COL5A2: variants seen among roughly 807,000 people sequenced by gnomAD.
COL5A2 encodes collagen alpha-2(V) chain.
In COL5A2, 23 loss-of-function variants were observed where a neutral mutation model predicts 208.2. That is an observed-to-expected ratio of 0.11 (90% CI 0.08 to 0.16). The LOEUF (loss-of-function observed/expected upper bound fraction) is 0.16, where lower values mean the gene tolerates loss of function less well. Ranked by LOEUF, COL5A2 falls within the 10% of genes least tolerant of loss-of-function variation. The pLI, the probability that COL5A2 is intolerant of heterozygous loss-of-function variation, is 1.00. For synonymous variants in COL5A2, 625 were observed against 628.5 expected (o/e 0.99, Z 0.08); for missense variants, 1,590 against 1,956.4 (o/e 0.81, Z 3.53).
At position 189,066,559 on chromosome 2, in the gene COL5A2, A is replaced by T. The variant is rs1686154567; in HGVS notation, c.1456-62T>A. On this transcript the variant is annotated intron_variant, in intron 22 of 53. Transcript: ENST00000374866. ...ATCCAACCAGTGAATTATAGTTGGA[A>T]GCCTAATTTAACGAAGTCAGTCACA... 3.6e-5 allele frequency: 55 copies of T among 1,532,806 alleles called. No individual in the cohort carries two copies. The South Asian group carries it at 6.0e-4, about 17-fold the overall frequency. The allele number at this position is 1,532,806 out of a possible 1,614,324, so 95.0% of individuals were successfully genotyped here. A position where few individuals can be genotyped will look rare whatever the true frequency, so the allele number is the denominator to read the frequency against.
chr2:189,085,333 GATAA>G lies in COL5A2; in HGVS notation c.745-124_745-121del, dbSNP rs200655045. The G allele has an allele frequency of 4.8e-4, 455 of 943,578 alleles. No homozygotes were observed. In the African/African-American group the frequency reaches 6.4e-3, roughly 13 times the overall value. The allele number at this position is 943,578 out of a possible 1,614,324, so 58.5% of individuals were successfully genotyped here. ...AACTATTATTGAAACAAATGAAAATGATAAATATTGTTGAGACAGAGAAAATAGT... is the reference window on the plus strand; with the variant it reads ...AACTATTATTGAAACAAATGAAAATGATATTGTTGAGACAGAGAAAATAGT... On this transcript the variant is annotated intron_variant, in intron 10 of 53. Transcript: ENST00000374866.
intron 38 of COL5A2, 55 bp from the exon 39 acceptor site, chr2:189,053,073 T>A: frequency 7.6e-7 from 1 of 1,312,838 alleles, no homozygotes; most frequent in Non-Finnish European, 1.1e-6. Flanking sequence ...GACAAATTAC[T>A]TTAGAGTAAT....
At chr2:189,334,704 G>T in the COL5A2 span, among the ~76,000 whole-genome samples, 10 of 151,990 alleles carry the variant, frequency 6.6e-5, no homozygotes, top group African/African-American at 2.4e-4. Flanking sequence ...ACGTAAGCAG[G>T]TGTCTTGGAC....
chr2:189,204,888 TC>T (rs1689124316), intron 1 of COL5A2, among the ~76,000 whole-genome samples: 1 of 152,168 alleles, frequency 6.6e-6, no homozygotes, highest in African/African-American at 2.4e-5. Flanking sequence ...TGACCCCAGG[TC>T]TTGGGATCTC....
the COL5A2 span, among the ~76,000 whole-genome samples, chr2:189,357,334 A>G: frequency 2.0e-5 from 3 of 152,126 alleles, no homozygotes; most frequent in Admixed American, 1.3e-4. Context: ...CTACACCCAC[A>G]GATGCCCCTT....
At chr2:189,321,730 A>C in the COL5A2 span, among the ~76,000 whole-genome samples, 1 of 152,328 alleles carries the variant, frequency 6.6e-6, no homozygotes, top group Non-Finnish European at 1.5e-5. Flanking sequence ...TAATGACGGC[A>C]GACTTTAACA....
chr2:189,083,177 A>G (rs1284993999), intron 12 of COL5A2, among the ~76,000 whole-genome samples: 1 of 152,190 alleles, frequency 6.6e-6, no homozygotes, highest in Admixed American at 6.5e-5. Flanking sequence ...AAACCCAAGA[A>G]GTAGGAATGT....
chr2:189,107,779 T>C (rs1576531810), intron 2 of COL5A2, among the ~76,000 whole-genome samples: 1 of 151,798 alleles, frequency 6.6e-6, no homozygotes, highest in Non-Finnish European at 1.5e-5. Flanking sequence ...CTATCAATTA[T>C]ATTCCATATT....
intron 1 of COL5A2, among the ~76,000 whole-genome samples, chr2:189,116,950 A>T (rs1326332907): frequency 3.3e-5 from 5 of 152,334 alleles, no homozygotes; most frequent in East Asian, 1.9e-4. Context: ...ATATGAATTT[A>T]AAAAATTTGA....
chr2:189,236,414 G>A, the COL5A2 span, among the ~76,000 whole-genome samples: 2 of 151,740 alleles, frequency 1.3e-5, no homozygotes, highest in African/African-American at 4.8e-5. Context: ...AATATGGTAT[G>A]AATATGTTCA....
chr2:189,137,337 G>A (rs1293323054), intron 1 of COL5A2, among the ~76,000 whole-genome samples: 1 of 152,098 alleles, frequency 6.6e-6, no homozygotes, highest in African/African-American at 2.4e-5. Context: ...TCAAGGCCAC[G>A]CCTAAATCCA....
the COL5A2 span, among the ~76,000 whole-genome samples, chr2:189,441,076 C>A: frequency 6.6e-6 from 1 of 152,106 alleles, no homozygotes; most frequent in African/African-American, 2.4e-5. Context: ...ACGCGAGAGG[C>A]TCGCGTCATC....
At chr2:189,279,293 T>C in the COL5A2 span, among the ~76,000 whole-genome samples, 1 of 151,738 alleles carries the variant, frequency 6.6e-6, no homozygotes, top group African/African-American at 2.4e-5. Context: ...TAATTAAGCT[T>C]ATAAAGTGAG....
the COL5A2 span, among the ~76,000 whole-genome samples, chr2:189,360,870 T>G: frequency 6.6e-6 from 1 of 152,078 alleles, no homozygotes; most frequent in Non-Finnish European, 1.5e-5. Flanking sequence ...ACATGCAGTG[T>G]TTGGTTTTCT....
At chr2:189,421,416 C>CATA in the COL5A2 span, among the ~76,000 whole-genome samples, 5 of 152,042 alleles carry the variant, frequency 3.3e-5, no homozygotes, top group African/African-American at 9.7e-5. Flanking sequence ...ATGGTTATAG[C>CATA]ATAATAATAA....
Position 189,199,275 on chromosome 2 carries a change from TA to T in COL5A2, c.-42+25872del, listed in dbSNP as rs903953042. ...GTATAACCTTTATCTAAGTAATAAC[TA>T]AAAACTTAAATATAAAAGCACATGA... On this transcript the variant is annotated intron_variant, in intron 1 of 10. Coordinates refer to the COL5A2 transcript ENST00000649966. Among the ~76,000 whole-genome samples the T allele has an allele frequency of 5.3e-5, 8 of 152,128 alleles. 1 individual carries two copies. The highest frequency in any genetic ancestry group is 4.6e-4 in the Admixed American group (7 of 15,268).
rs373495598 is a variant in COL5A2, at chr2:189,053,023, A to G, written c.2554-5T>C. ...TCCAGGCTGTCCGTCAGGACCCTAT[A>G]AAAAATTATACAAACAAGCAATTGA... is the stretch of plus-strand genomic sequence containing the variant. On this transcript the variant is annotated splice_polypyrimidine_tract_variant and splice_region_variant and intron_variant, in intron 38 of 53. Transcript: ENST00000374866. The G allele has an allele frequency of 4.2e-5, 67 of 1,607,966 alleles. No individual in the cohort carries two copies. The highest frequency in any genetic ancestry group is 5.4e-5 in the Non-Finnish European group (64 of 1,174,722).
chr2:189,369,822 A>C, the COL5A2 span, among the ~76,000 whole-genome samples: 1 of 152,162 alleles, frequency 6.6e-6, no homozygotes, highest in East Asian at 1.9e-4. Flanking sequence ...GGTTTGTGTT[A>C]GTTTTCCGAT....
chr2:189,058,425 T>A lies in COL5A2; in HGVS notation c.2229+4A>T, dbSNP rs1685948456. On this transcript the variant is annotated splice_donor_region_variant and intron_variant, in intron 33 of 53. Coordinates refer to ENST00000374866, the MANE Select transcript of COL5A2 (RefSeq NM_000393.5). ...TAAAACACTGAGATCACTATGACACTTACTTTTGGGCCATCAGGACCATGT... is the reference window on the plus strand; with the variant it reads ...TAAAACACTGAGATCACTATGACACATACTTTTGGGCCATCAGGACCATGT... The A allele has an allele frequency of 6.2e-7, 1 of 1,611,514 alleles. No homozygotes were observed. The highest frequency in any genetic ancestry group is 1.3e-5 in the African/African-American group (1 of 74,908).
Sources: gnomAD v4.1 joint callset for allele counts (sites outside exome capture counted in the v4.1 genomes callset) on GRCh38, gnomAD v4.1.1 for gene constraint, MANE v1.5 for transcripts, NCBI Gene and HGNC (gene_info 2026-07-23, HGNC 2026-07-21) for gene names.